Variants in IDE observed in about 807,000 individuals in gnomAD.
The protein encoded by IDE is insulin-degrading enzyme.
Under a neutral mutation model 133.2 loss-of-function variants are expected in IDE, and 58 were observed. The observed-to-expected ratio is 0.44, with a 90% CI of 0.35 to 0.54. The LOEUF (loss-of-function observed/expected upper bound fraction) is 0.54. IDE is among the 20% of genes least tolerant of loss of function. The pLI, the probability that IDE is intolerant of heterozygous loss-of-function variation, is 0.00. For missense variants in IDE, 981 were observed against 1,234.0 expected (o/e 0.79, Z 3.07); for synonymous variants, 396 against 421.3 (o/e 0.94, Z 0.73).
intron 1 of IDE, among the ~76,000 whole-genome samples, chr10:92,561,127 G>A (rs1843260388): frequency 6.6e-6 from 1 of 151,632 alleles, no homozygotes; most frequent in African/African-American, 2.4e-5. Context: ...ACGGTGGTGG[G>A]CGCCTGTAAT....
intron 4 of IDE, among the ~76,000 whole-genome samples, chr10:92,527,965 A>T (rs1195581013): frequency 1.3e-5 from 2 of 152,196 alleles, no homozygotes. Context: ...GCAGTGAGCC[A>T]AGGTCACGCC....
At chr10:92,535,801 C>T (rs981032637) in intron 2 of IDE, among the ~76,000 whole-genome samples, 8 of 152,198 alleles carry the variant, frequency 5.3e-5, no homozygotes, top group South Asian at 2.1e-4. Context: ...TTTGGGAGGA[C>T]GAGGTGGGTA....
intron 15 of IDE, chr10:92,478,572 T>G (rs1320640321): frequency 1.1e-6 from 1 of 884,822 alleles, no homozygotes; most frequent in Non-Finnish European, 1.4e-6. Flanking sequence ...AAATGCGAAG[T>G]TAATAGTTTT....
At chr10:92,572,547 A>G (rs539265929) in intron 1 of IDE, among the ~76,000 whole-genome samples, 2 of 152,272 alleles carry the variant, frequency 1.3e-5, no homozygotes, top group South Asian at 2.1e-4. Flanking sequence ...CACAGCCACC[A>G]AACTACTTTC....
chr10:92,464,396 C>T (rs971951541), intron 20 of IDE, among the ~76,000 whole-genome samples: 1 of 152,184 alleles, frequency 6.6e-6, no homozygotes, highest in African/African-American at 2.4e-5. Flanking sequence ...ATCCAAGTTC[C>T]GCATATGAAC....
At chr10:92,456,033 G>C (rs949283041) in intron 23 of IDE, among the ~76,000 whole-genome samples, 7 of 152,144 alleles carry the variant, frequency 4.6e-5, no homozygotes, top group African/African-American at 1.7e-4. Context: ...GCCAGTAAAA[G>C]CCAGGAAACG....
At chr10:92,495,882 G>GT (rs532013461) in intron 11 of IDE, among the ~76,000 whole-genome samples, 3,226 of 143,626 alleles carry the variant, frequency 0.022, 111 homozygotes, top group African/African-American at 0.071. Flanking sequence ...TTTTTTAAGT[G>GT]TTTTTTTTTT....
intron 1 of IDE, among the ~76,000 whole-genome samples, chr10:92,550,788 T>C (rs1233124664): frequency 6.6e-6 from 1 of 151,986 alleles, no homozygotes; most frequent in Non-Finnish European, 1.5e-5. Context: ...GAGAATGGCA[T>C]GAACCTGGAA....
At position 92,508,912 on chromosome 10, in the gene IDE, G is replaced by A. The variant is rs376480860; in HGVS notation, c.898-22C>T. 3 of 1,588,306 alleles carry A rather than the reference G, an allele frequency of 1.9e-6. No individual in the cohort carries two copies. In the African/African-American group the frequency reaches 4.0e-5, roughly 21 times the overall value. ...GTTGCTGGAGAAAACAAATCACAGA[G>A]ATTAGCTATATACGACTCCTACTGA... is the stretch of plus-strand genomic sequence containing the variant. On this transcript the variant is annotated intron_variant, in intron 6 of 24. Coordinates refer to ENST00000265986, the MANE Select transcript of IDE (RefSeq NM_004969.4).
intron 11 of IDE, among the ~76,000 whole-genome samples, chr10:92,499,663 C>T (rs1453857325): frequency 1.3e-5 from 2 of 152,146 alleles, no homozygotes; most frequent in Non-Finnish European, 2.9e-5. Context: ...AACTCCTGAG[C>T]TCAAGCAATC....
chr10:92,515,879 T>C (rs1193968324), intron 4 of IDE, among the ~76,000 whole-genome samples: 7 of 147,794 alleles, frequency 4.7e-5, no homozygotes, highest in Non-Finnish European at 8.9e-5. Flanking sequence ...CTTATAAAAA[T>C]TATACTTTTG....
intron 19 of IDE, among the ~76,000 whole-genome samples, chr10:92,468,107 A>G (rs1261670277): frequency 7.9e-5 from 12 of 152,210 alleles, no homozygotes; most frequent in Admixed American, 7.9e-4. Context: ...TTAGTGGAAT[A>G]AGTAGCTTAT....
intron 10 of IDE, among the ~76,000 whole-genome samples, chr10:92,505,684 G>A (rs1848258427): frequency 6.6e-6 from 1 of 152,218 alleles, no homozygotes; most frequent in Non-Finnish European, 1.5e-5. Flanking sequence ...GTCAGAGAAG[G>A]TCTGAGGAGA....
chr10:92,537,847 T>C (rs867884340), intron 1 of IDE, among the ~76,000 whole-genome samples: 2 of 152,030 alleles, frequency 1.3e-5, no homozygotes, highest in Admixed American at 1.3e-4. Flanking sequence ...AGAACTAGAA[T>C]AGAGTTTTTT....
chr10:92,573,806 G>A (rs1843913320), intron 1 of IDE, 116 bp downstream of exon 1: 2 of 720,230 alleles, frequency 2.8e-6, no homozygotes, highest in East Asian at 6.8e-5. Flanking sequence ...CGGCGGGACG[G>A]GCGGCGTGAG....
intron 13 of IDE, among the ~76,000 whole-genome samples, 176 bp downstream of exon 13, chr10:92,487,020 A>G (rs1847036896): frequency 6.6e-6 from 1 of 152,156 alleles, no homozygotes; most frequent in African/African-American, 2.4e-5. Context: ...GCTTGCTTTA[A>G]TATTTTTAAC....
At chr10:92,488,503 C>A (rs576787204) in intron 12 of IDE, among the ~76,000 whole-genome samples, 2 of 152,170 alleles carry the variant, frequency 1.3e-5, no homozygotes, top group South Asian at 2.1e-4. Context: ...TGAGGCCAGG[C>A]GCGGTGGCTC....
At chr10:92,486,829 A>G (rs1847028042) in intron 13 of IDE, among the ~76,000 whole-genome samples, 2 of 152,166 alleles carry the variant, frequency 1.3e-5, no homozygotes, top group African/African-American at 4.8e-5. Flanking sequence ...TTCAGGCTTT[A>G]GAGATCCTTT....
At chr10:92,569,103 G>A (rs966138474) in intron 1 of IDE, among the ~76,000 whole-genome samples, 1 of 152,162 alleles carries the variant, frequency 6.6e-6, no homozygotes, top group Non-Finnish European at 1.5e-5. Context: ...TGTGTGACCT[G>A]TATAACAAGG....
Sources: gnomAD v4.1 joint callset for allele counts (sites outside exome capture counted in the v4.1 genomes callset) on GRCh38, gnomAD v4.1.1 for gene constraint, MANE v1.5 for transcripts, NCBI Gene and HGNC (gene_info 2026-07-23, HGNC 2026-07-21) for gene names.